The following INO80 variants were observed in gnomAD, a reference collection of about 807,000 sequenced individuals.
INO80 encodes INO80 complex ATPase subunit.
INO80 carries 20 observed loss-of-function variants against 203.4 expected under a neutral mutation model. The ratio of observed to expected loss-of-function variants is 0.10; its 90% CI spans 0.07 to 0.14. INO80 has a LOEUF of 0.14. Ranked by LOEUF, INO80 falls within the 10% of genes least tolerant of loss-of-function variation. The pLI is 1.00. For missense variants in INO80, 1,419 were observed against 1,914.4 expected (o/e 0.74, Z 4.83); for synonymous variants, 726 against 685.2 (o/e 1.06, Z -0.93).
At chr15:40,997,159 C>T (rs890114512) in intron 29 of INO80, among the ~76,000 whole-genome samples, 1 of 152,014 alleles carries the variant, frequency 6.6e-6, no homozygotes, top group Non-Finnish European at 1.5e-5. Context: ...TGCCTATAGT[C>T]CCAGCTACTT....
intron 1 of INO80, among the ~76,000 whole-genome samples, chr15:41,114,112 C>A (rs1389605037): frequency 1.3e-5 from 2 of 151,690 alleles, no homozygotes; most frequent in African/African-American, 2.4e-5. Flanking sequence ...ACTAAAAATA[C>A]AAAAATTAGC....
chr15:41,010,644 C>T lies in INO80; in HGVS notation c.3403-4957G>A, dbSNP rs572137046. ...AAAATAGAAAGGGAGCCCCATTTAA[C>T]CCTAAGGTTCTTAATATATCCTGTC... On this transcript the variant is annotated intron_variant, in intron 27 of 35. Transcript: ENST00000648947. Among the ~76,000 whole-genome samples, 9 of 152,212 alleles carry T rather than the reference C, an allele frequency of 5.9e-5. No homozygotes were observed. In the South Asian group the frequency reaches 1.9e-3, roughly 32 times the overall value.
At chr15:41,064,328 TAACA>T (rs1456208487) in intron 14 of INO80, among the ~76,000 whole-genome samples, 2 of 152,222 alleles carry the variant, frequency 1.3e-5, no homozygotes, top group Non-Finnish European at 2.9e-5. Flanking sequence ...TATCAATTAA[TAACA>T]AACAAGACAT....
intron 23 of INO80, 22 bp from the exon 24 acceptor site, chr15:41,045,097 A>G (rs752487183): frequency 9.5e-6 from 15 of 1,574,416 alleles, no homozygotes; most frequent in African/African-American, 2.7e-5. Flanking sequence ...CACAGCAGAC[A>G]CGCTTATTCA....
At chr15:40,981,419 T>C (rs1190777936) in intron 35 of INO80, among the ~76,000 whole-genome samples, 1 of 152,204 alleles carries the variant, frequency 6.6e-6, no homozygotes, top group Non-Finnish European at 1.5e-5. Context: ...TCCAAGGATG[T>C]GGTAAGTTGG....
At position 41,053,971 on chromosome 15, in the gene INO80, C is replaced by T. The variant is rs749819132; in HGVS notation, c.2232G>A (p.Leu744=). The change falls in exon 19 of 36, where the codon CTG becomes CTA. Residue 744 remains leucine, a synonymous_variant. Coordinates refer to ENST00000648947, the MANE Select transcript of INO80 (RefSeq NM_017553.3). ...TTTCCACATCTTTCTTGATTCTCCT[C>T]AGCATAAATGGCTTCAAAATCATGT... ...RLHMILKPFM[L]RRIKKDVENE... is the part of the protein sequence containing the mutation. 6.2e-7 allele frequency: 1 copy of T among 1,613,896 alleles called. No homozygotes were observed. Among genetic ancestry groups the T allele is most frequent in the East Asian group, 2.2e-5 (1 of 44,840 alleles).
intron 13 of INO80, among the ~76,000 whole-genome samples, chr15:41,070,102 A>T (rs2045287201): frequency 6.6e-6 from 1 of 152,254 alleles, no homozygotes; most frequent in Admixed American, 6.5e-5. Context: ...GAGGAAACTA[A>T]GCCTCAGAGA....
chr15:41,033,336 A>G (rs1016845155), intron 24 of INO80, among the ~76,000 whole-genome samples: 8 of 149,538 alleles, frequency 5.3e-5, no homozygotes, highest in Non-Finnish European at 7.4e-5. Flanking sequence ...CCTGAATCAG[A>G]ATTTTTTTTT....
At chr15:40,987,725 AAG>A in intron 30 of INO80, 89 bp downstream of exon 30, 1 of 1,226,200 alleles carries the variant, frequency 8.2e-7, no homozygotes, top group African/African-American at 1.6e-5. Context: ...AATGAAAGGC[AAG>A]AGAGTTTTAA....
intron 28 of INO80, 187 bp from the exon 29 acceptor site, chr15:40,997,788 G>A (rs2043899027): frequency 2.1e-6 from 1 of 469,066 alleles, no homozygotes. Flanking sequence ...AACCAAACAT[G>A]GAGGTCATCT....
At chr15:41,014,026 T>C (rs959183829) in intron 27 of INO80, among the ~76,000 whole-genome samples, 15 of 152,202 alleles carry the variant, frequency 9.9e-5, no homozygotes, top group African/African-American at 3.6e-4. Context: ...TTACAGCACT[T>C]ATCCTGAACA....
chr15:40,987,795 A>T, intron 30 of INO80, 21 bp downstream of exon 30: 1 of 1,605,432 alleles, frequency 6.2e-7, no homozygotes, highest in Non-Finnish European at 8.5e-7. Flanking sequence ...CAGTGTAGGA[A>T]TTTCTTTCTC....
At chr15:41,091,650 C>CTTTTTTTT (rs746421749) in intron 5 of INO80, among the ~76,000 whole-genome samples, 2 of 88,272 alleles carry the variant, frequency 2.3e-5, no homozygotes, top group Non-Finnish European at 4.2e-5. Flanking sequence ...TGATGTATCT[C>CTTTTTTTT]TTTTTTTTTT....
chr15:41,055,956 T>TC (rs1350197932), intron 17 of INO80, among the ~76,000 whole-genome samples: 3 of 150,414 alleles, frequency 2.0e-5, no homozygotes, highest in African/African-American at 7.3e-5. Flanking sequence ...TTTTTTTTTT[T>TC]TTTTTTGAGA....
At chr15:41,081,647 C>T (rs2140628355) in intron 7 of INO80, among the ~76,000 whole-genome samples, 1 of 152,180 alleles carries the variant, frequency 6.6e-6, no homozygotes, top group South Asian at 2.1e-4. Flanking sequence ...TTGTGTTTTC[C>T]ACTCTAGCTA....
chr15:41,034,369 A>C (rs2044537243), intron 24 of INO80, among the ~76,000 whole-genome samples: 1 of 152,208 alleles, frequency 6.6e-6, no homozygotes, highest in African/African-American at 2.4e-5. Context: ...GGACTGGGTT[A>C]GACTGCTGAA....
chr15:41,003,697 C>T (rs995091686), intron 28 of INO80, among the ~76,000 whole-genome samples: 3 of 151,832 alleles, frequency 2.0e-5, no homozygotes, highest in African/African-American at 7.3e-5. Context: ...CTATAAAGTC[C>T]CCAACTGTTA....
intron 23 of INO80, among the ~76,000 whole-genome samples, chr15:41,046,056 T>C (rs1428502118): frequency 6.6e-6 from 1 of 151,262 alleles, no homozygotes; most frequent in Non-Finnish European, 1.5e-5. Context: ...ACTAACTAAA[T>C]GAATCACCAG....
chr15:41,064,228 G>A (rs2045169147), intron 14 of INO80, among the ~76,000 whole-genome samples: 2 of 152,072 alleles, frequency 1.3e-5, no homozygotes, highest in Admixed American at 6.6e-5. Flanking sequence ...TATAAACACT[G>A]ACAATATGCT....
Sources: gnomAD v4.1 joint callset for allele counts (sites outside exome capture counted in the v4.1 genomes callset) on GRCh38, gnomAD v4.1.1 for gene constraint, MANE v1.5 for transcripts, NCBI Gene and HGNC (gene_info 2026-07-23, HGNC 2026-07-21) for gene names.